Variants in PCDHA3 observed in about 807,000 individuals in gnomAD.
PCDHA3 encodes the protein protocadherin alpha 3, also known as protocadherin alpha-3.
A neutral mutation model predicts 62.2 loss-of-function variants in PCDHA3; 41 were observed. That is an observed-to-expected ratio of 0.66 (90% CI 0.51 to 0.86). PCDHA3 has a LOEUF of 0.86. Ranked by LOEUF, PCDHA3 falls within the 40% of genes least tolerant of loss-of-function variation. The probability of loss-of-function intolerance (pLI) is 0.00; values close to 1 mark genes in which losing one functional copy is unlikely to be tolerated. For missense variants in PCDHA3, 1,304 were observed against 1,241.2 expected (o/e 1.05, Z -0.76); for synonymous variants, 640 against 555.4 (o/e 1.15, Z -2.14).
chr5:140,809,664 G>T, intron 1 of PCDHA3: 1 of 1,474,868 alleles, frequency 6.8e-7, no homozygotes, highest in Non-Finnish European at 9.1e-7. Context: ...AATTTCCCTG[G>T]GTTAAAATTT....
At chr5:140,973,760 A>T (rs2153800993) in intron 1 of PCDHA3, among the ~76,000 whole-genome samples, 1 of 152,376 alleles carries the variant, frequency 6.6e-6, no homozygotes, top group Admixed American at 6.5e-5. Flanking sequence ...GCAGGGACAC[A>T]GCCTGGCATA....
intron 1 of PCDHA3, among the ~76,000 whole-genome samples, chr5:140,881,159 T>A (rs1375537883): frequency 6.6e-6 from 1 of 152,188 alleles, no homozygotes; most frequent in Non-Finnish European, 1.5e-5. Context: ...AAAAGTAAGA[T>A]CCTCTTCCTC....
At chr5:140,856,117 G>A in intron 1 of PCDHA3, 1 of 1,598,170 alleles carries the variant, frequency 6.3e-7, no homozygotes, top group East Asian at 2.2e-5. Context: ...TCGCAGCCTG[G>A]GAGGTGGGGA....
intron 1 of PCDHA3, chr5:140,848,138 T>A: frequency 5.1e-6 from 1 of 197,510 alleles, no homozygotes; most frequent in East Asian, 1.1e-4. Context: ...TACAAAACTT[T>A]TAGAGGCAGT....
At position 140,803,435 on chromosome 5, in the gene PCDHA3, G is replaced by A. The variant is rs150112751; in HGVS notation, c.2238G>A (p.Gly746=). 1.2e-4 allele frequency: 195 copies of A among 1,614,210 alleles called. No homozygotes were observed. Among genetic ancestry groups the A allele is most frequent in the African/African-American group, 8.1e-4 (61 of 75,048 alleles). Residue 746 remains glycine (G), a synonymous_variant, in exon 1 of 4, where the codon GGG becomes GGA. Coordinates refer to ENST00000522353, the MANE Select transcript of PCDHA3 (RefSeq NM_018906.3). ...KPTLVCSSAV[G]SWSYSQQRQQ... is the part of the protein sequence containing the mutation. Reference sequence around the variant, plus strand: ...CGCTGGTGTGCTCCAGCGCGGTGGGGAGCTGGTCATACTCGCAGCAGAGGC... The same window carrying A: ...CGCTGGTGTGCTCCAGCGCGGTGGGAAGCTGGTCATACTCGCAGCAGAGGC...
intron 1 of PCDHA3, among the ~76,000 whole-genome samples, chr5:140,955,604 C>T (rs1431862665): frequency 7.2e-5 from 11 of 152,060 alleles, no homozygotes; most frequent in Non-Finnish European, 1.5e-4. Context: ...TATAAATTAC[C>T]CAGTCTCAGG....
chr5:140,809,124 G>C, intron 1 of PCDHA3: 4 of 1,613,980 alleles, frequency 2.5e-6, no homozygotes, highest in Non-Finnish European at 3.4e-6. Flanking sequence ...CCGCGCCACC[G>C]CCTACTGGTA....
At chr5:140,967,712 G>A in intron 1 of PCDHA3, 2 of 1,614,196 alleles carry the variant, frequency 1.2e-6, no homozygotes, top group Non-Finnish European at 1.7e-6. Flanking sequence ...CAGTACCGGG[G>A]AAGTGCGAGT....
Position 140,829,043 on chromosome 5 carries a change from A to G in PCDHA3, c.2394+25452A>G, listed in dbSNP as rs2150162079. On this transcript the variant is annotated intron_variant, in intron 1 of 3. Transcript: ENST00000522353. ...TTTTGAACAAGAAAACTTATACAAA[A>G]TCCTCATTGACGCCACGGACAAAGG... 5 of 1,613,038 alleles carry G rather than the reference A, an allele frequency of 3.1e-6. No homozygotes were observed. In the African/African-American group the frequency reaches 6.7e-5, roughly 22 times the overall value.
At chr5:140,836,375 C>A (rs373878309) in intron 1 of PCDHA3, 4 of 1,613,712 alleles carry the variant, frequency 2.5e-6, no homozygotes, top group South Asian at 1.1e-5. Context: ...CCACAGCCAC[C>A]GTGCTGGTGT....
At chr5:140,838,592 G>A (rs2150290515) in intron 1 of PCDHA3, among the ~76,000 whole-genome samples, 4 of 151,904 alleles carry the variant, frequency 2.6e-5, no homozygotes, top group South Asian at 2.1e-4. Flanking sequence ...AACAATAACC[G>A]AATTGTCTAG....
intron 1 of PCDHA3, among the ~76,000 whole-genome samples, chr5:140,913,266 T>C (rs1458769816): frequency 1.3e-5 from 2 of 152,176 alleles, no homozygotes; most frequent in Non-Finnish European, 2.9e-5. Flanking sequence ...TCTAATTACT[T>C]GTTATTGGTC....
chr5:140,967,385 C>G (rs2096135382), intron 1 of PCDHA3: 1 of 1,608,920 alleles, frequency 6.2e-7, no homozygotes, highest in African/African-American at 1.3e-5. Flanking sequence ...CAGTAAAGTG[C>G]TTGAGCTGGT....
chr5:140,927,530 GC>G, intron 1 of PCDHA3: 1 of 1,614,080 alleles, frequency 6.2e-7, no homozygotes, highest in Non-Finnish European at 8.5e-7. Flanking sequence ...CTACCTGCCC[GC>G]TCAGGAGACG....
At chr5:140,909,471 A>G (rs1398595420) in intron 1 of PCDHA3, among the ~76,000 whole-genome samples, 3 of 152,328 alleles carry the variant, frequency 2.0e-5, no homozygotes, top group African/African-American at 7.2e-5. Context: ...TCTTCTTCAC[A>G]GGCTAAATAG....
intron 1 of PCDHA3, among the ~76,000 whole-genome samples, chr5:140,974,022 A>G (rs1348109814): frequency 2.0e-5 from 3 of 152,248 alleles, no homozygotes; most frequent in African/African-American, 4.8e-5. Context: ...TGATAATACA[A>G]CTATAAATTT....
At chr5:140,857,289 G>C in intron 1 of PCDHA3, 2 of 1,598,692 alleles carry the variant, frequency 1.3e-6, no homozygotes, top group African/African-American at 1.3e-5. Flanking sequence ...GCTCTGGACC[G>C]CGAGAGGGTG....
chr5:140,834,220 A>T (rs4151685), intron 1 of PCDHA3: 3 of 685,996 alleles, frequency 4.4e-6, no homozygotes, highest in Non-Finnish European at 7.2e-6. Context: ...CGTAATCAGC[A>T]AAAGGAAGTC....
intron 1 of PCDHA3, among the ~76,000 whole-genome samples, chr5:140,930,790 A>G (rs155822): frequency 0.047 from 7,177 of 152,302 alleles, 299 homozygotes; most frequent in African/African-American, 0.11. Context: ...ACAATATAAT[A>G]GAATCCAGCA....
Sources: allele counts gnomAD v4.1 joint callset (sites outside exome capture counted in the v4.1 genomes callset), GRCh38; gene constraint gnomAD v4.1.1; transcripts MANE v1.5; gene names NCBI Gene and HGNC (gene_info 2026-07-23, HGNC 2026-07-21).